The following RFX3 variants were observed in gnomAD, a reference collection of about 807,000 sequenced individuals.
RFX3 encodes the protein transcription factor RFX3.
A neutral mutation model predicts 98.6 loss-of-function variants in RFX3; 14 were observed. That is an observed-to-expected ratio of 0.14 (90% CI 0.09 to 0.22). The LOEUF is 0.22. Ranked by LOEUF, RFX3 falls within the 10% of genes least tolerant of loss-of-function variation. The probability of loss-of-function intolerance (pLI) is 1.00; values close to 1 mark genes in which losing one functional copy is unlikely to be tolerated. For missense variants in RFX3, 639 were observed against 926.9 expected (o/e 0.69, Z 4.03); for synonymous variants, 383 against 328.4 (o/e 1.17, Z -1.80).
chr9:3,247,964 A>T, intron 15 of RFX3, 68 bp downstream of exon 15: 1 of 1,613,910 alleles, frequency 6.2e-7, no homozygotes, highest in Non-Finnish European at 8.5e-7. Flanking sequence ...TAATGTATTT[A>T]GACTGAAGTG....
intron 1 of RFX3, among the ~76,000 whole-genome samples, chr9:3,516,629 T>C (rs930431502): frequency 5.3e-5 from 8 of 152,150 alleles, no homozygotes; most frequent in Non-Finnish European, 8.8e-5. Context: ...ATAGCTTCAA[T>C]AATTGGGGAA....
intron 1 of RFX3, among the ~76,000 whole-genome samples, chr9:3,470,339 G>T (rs1442101926): frequency 6.7e-6 from 1 of 149,112 alleles, no homozygotes; most frequent in South Asian, 2.1e-4. Context: ...TTTTGAGACG[G>T]AGTCTCACTC....
At chr9:3,329,701 A>T (rs909066779) in intron 4 of RFX3, among the ~76,000 whole-genome samples, 4 of 152,132 alleles carry the variant, frequency 2.6e-5, no homozygotes, top group Non-Finnish European at 4.4e-5. Flanking sequence ...ACGATTTTCT[A>T]TTTTAAAAGT....
chr9:3,414,817 T>C (rs954235021), intron 1 of RFX3, among the ~76,000 whole-genome samples: 3 of 139,190 alleles, frequency 2.2e-5, no homozygotes, highest in Non-Finnish European at 4.5e-5. Context: ...TATGTATATA[T>C]GAGTATATAT....
chr9:3,413,655 AATGC>A (rs1208553395), intron 1 of RFX3, among the ~76,000 whole-genome samples: 1 of 152,096 alleles, frequency 6.6e-6, no homozygotes, highest in Non-Finnish European at 1.5e-5. Flanking sequence ...ACAAGGAACA[AATGC>A]TTCCTGAATG....
intron 3 of RFX3, chr9:3,344,863 C>T (rs1834278332): frequency 1.4e-6 from 1 of 715,776 alleles, no homozygotes; most frequent in East Asian, 2.7e-5. Context: ...CAAAATCATG[C>T]TCCAGGGGGC....
intron 15 of RFX3, among the ~76,000 whole-genome samples, chr9:3,236,866 A>G (rs1819225149): frequency 6.6e-6 from 1 of 152,198 alleles, no homozygotes. Context: ...AGGGGAGAAA[A>G]TATGTATTTG....
Position 3,386,397 on chromosome 9 carries a change from G to C in RFX3, c.117+9075C>G, listed in dbSNP as rs1486207934. Among the ~76,000 whole-genome samples the C allele has an allele frequency of 2.6e-5, 4 of 152,102 alleles. No individual in the cohort carries two copies. The East Asian group carries it at 7.7e-4, about 29-fold the overall frequency. On this transcript the variant is annotated intron_variant, in intron 2 of 16. Coordinates refer to ENST00000617270, the MANE Select transcript of RFX3 (RefSeq NM_001282116.2). ...TACTAACCTAAATATTTTAGCAGAAGTATTATTTAATATTTTTAGCTATAA... is the reference window on the plus strand; with the variant it reads ...TACTAACCTAAATATTTTAGCAGAACTATTATTTAATATTTTTAGCTATAA...
chr9:3,317,543 T>C (rs1830766767), intron 4 of RFX3, among the ~76,000 whole-genome samples: 1 of 152,174 alleles, frequency 6.6e-6, no homozygotes, highest in African/African-American at 2.4e-5. Context: ...CTAAAGAGCT[T>C]CTGCACAGCA....
At chr9:3,414,316 C>T (rs529059256) in intron 1 of RFX3, among the ~76,000 whole-genome samples, 45 of 152,002 alleles carry the variant, frequency 3.0e-4, no homozygotes, top group African/African-American at 1.0e-3. Flanking sequence ...TTGAAATATT[C>T]AACAGTTATG....
At chr9:3,474,716 G>A (rs1405321644) in intron 1 of RFX3, among the ~76,000 whole-genome samples, 2 of 152,150 alleles carry the variant, frequency 1.3e-5, no homozygotes, top group Non-Finnish European at 2.9e-5. Context: ...AAATATTGCA[G>A]TATAATCTTT....
intron 14 of RFX3, among the ~76,000 whole-genome samples, chr9:3,251,302 C>T (rs7872539): frequency 5.3e-4 from 80 of 151,972 alleles, no homozygotes; most frequent in African/African-American, 1.9e-3. Flanking sequence ...TGGTAATTTC[C>T]GGGTAGAAGT....
rs1225554810 is a variant in RFX3, at chr9:3,218,854, G to T, written c.*6188C>A. ...TGTTACTATGTTTCTGTGCTTGTGG[G>T]ACTGAATAATGTAATCTGCCACTTA... On this transcript the variant is annotated 3_prime_UTR_variant, in exon 17 of 17. Coordinates refer to ENST00000617270, the MANE Select transcript of RFX3 (RefSeq NM_001282116.2). 6.6e-6 allele frequency: 1 copy of T among 151,916 alleles called. No individual in the cohort carries two copies. Among genetic ancestry groups the T allele is most frequent in the Non-Finnish European group, 1.5e-5 (1 of 67,936 alleles). The allele number at this position is 151,916 out of a possible 1,614,324, so 9.4% of individuals were successfully genotyped here.
At chr9:3,302,935 A>T (rs891385929) in intron 4 of RFX3, among the ~76,000 whole-genome samples, 1 of 151,828 alleles carries the variant, frequency 6.6e-6, no homozygotes, top group Non-Finnish European at 1.5e-5. Context: ...AGTTAATAAA[A>T]CATAATACTG....
rs369700884 is a variant in RFX3 at position 3,399,470 on chromosome 9, A to G, written c.-8-3874T>C. 4.6e-5 allele frequency among the ~76,000 whole-genome samples: 7 copies of G among 151,812 alleles called. No individual in the cohort carries two copies. In the South Asian group the frequency reaches 1.5e-3, roughly 32 times the overall value. On this transcript the variant is annotated intron_variant, in intron 1 of 16. Transcript: ENST00000617270. ...AAAACAAAAAACAAAAAAGAAACAAATTTCCAGAATTTCTTGAAACATCTG... is the reference window on the plus strand; with the variant it reads ...AAAACAAAAAACAAAAAAGAAACAAGTTTCCAGAATTTCTTGAAACATCTG...
chr9:3,330,550 G>C, intron 3 of RFX3, 33 bp from the exon 4 acceptor site: 2 of 1,562,832 alleles, frequency 1.3e-6, no homozygotes, highest in Non-Finnish European at 1.7e-6. Flanking sequence ...AAATTTACTA[G>C]CTTATTTATG....
intron 3 of RFX3, among the ~76,000 whole-genome samples, chr9:3,338,481 T>C (rs1833463098): frequency 6.6e-6 from 1 of 151,996 alleles, no homozygotes; most frequent in South Asian, 2.1e-4. Flanking sequence ...CCTATGATTA[T>C]TTTGTAAGGA....
Position 3,357,419 on chromosome 9 carries a change from AAAT to A in RFX3, c.118-10658_118-10656del, listed in dbSNP as rs1459357452. On this transcript the variant is annotated intron_variant, in intron 2 of 16. Transcript: ENST00000617270. Reference sequence around the variant, plus strand: ...CTCTACTTTTCTAAATTTTTAAACAAAATAATATTTTTATTTTTGCAGTTACAA... The same window carrying A: ...CTCTACTTTTCTAAATTTTTAAACAAAATATTTTTATTTTTGCAGTTACAA... Among the ~76,000 whole-genome samples, 59 of 152,148 alleles carry A rather than the reference AAAT, an allele frequency of 3.9e-4. 1 individual carries two copies. The highest frequency in any genetic ancestry group is 1.4e-3 in the African/African-American group (58 of 41,562).
chr9:3,430,596 C>T (rs1844569227), intron 1 of RFX3, among the ~76,000 whole-genome samples: 1 of 152,080 alleles, frequency 6.6e-6, no homozygotes, highest in Admixed American at 6.6e-5. Flanking sequence ...TTTCCTAGGT[C>T]TGCCCTCCAC....
Sources: allele counts gnomAD v4.1 joint callset (sites outside exome capture counted in the v4.1 genomes callset), GRCh38; gene constraint gnomAD v4.1.1; transcripts MANE v1.5; gene names NCBI Gene and HGNC (gene_info 2026-07-23, HGNC 2026-07-21).